Variants in DPP10 observed in about 807,000 individuals in gnomAD.
DPP10 encodes the protein inactive dipeptidyl peptidase 10.
DPP10 carries 33 observed loss-of-function variants against 120.9 expected under a neutral mutation model. That is an observed-to-expected ratio of 0.27 (90% CI 0.21 to 0.37). The LOEUF (loss-of-function observed/expected upper bound fraction) is 0.37, where lower values mean the gene tolerates loss of function less well. DPP10 is among the 10% of genes least tolerant of loss of function. The pLI, the probability that DPP10 is intolerant of heterozygous loss-of-function variation, is 1.00. For missense variants in DPP10, 816 were observed against 942.8 expected, an observed-to-expected ratio of 0.87 and a Z score of 1.76; for synonymous variants, 337 against 326.1, an observed-to-expected ratio of 1.03 and a Z score of -0.36.
intron 5 of DPP10, among the ~76,000 whole-genome samples, chr2:115,687,485 G>GGATGGATAGATA (rs369660132): frequency 5.4e-5 from 8 of 147,018 alleles, no homozygotes; most frequent in Admixed American, 1.4e-4. Flanking sequence ...ATGGATGGAT[G>GGATGGATAGATA]GATAGATAGA....
At position 114,838,511 on chromosome 2, in the gene DPP10, C is replaced by T. The variant is rs1687912861; in HGVS notation, c.60+395673C>T. Among the ~76,000 whole-genome samples, 5 of 152,118 alleles carry T rather than the reference C, an allele frequency of 3.3e-5. No individual in the cohort carries two copies. In the South Asian group the frequency reaches 1.0e-3, roughly 32 times the overall value. On this transcript the variant is annotated intron_variant, in intron 1 of 25. Coordinates refer to ENST00000410059, the MANE Select transcript of DPP10 (RefSeq NM_020868.6). ...TGGATTTTTAGTAGAGATGGGATTT[C>T]ACCATGTTGGTAAAGTTGGTCTTGA...
At chr2:115,451,983 T>C (rs1343019082) in intron 3 of DPP10, among the ~76,000 whole-genome samples, 1 of 151,842 alleles carries the variant, frequency 6.6e-6, no homozygotes, top group Non-Finnish European at 1.5e-5. Flanking sequence ...GACATTATAG[T>C]GTATTTGGTC....
At position 115,800,444 on chromosome 2, in the gene DPP10, A is replaced by G. The variant is rs535723648; in HGVS notation, c.1700+9088A>G. On this transcript the variant is annotated intron_variant, in intron 19 of 25. Transcript: ENST00000410059. ...TGCAGAAACTCTTTAGTTTAATTAG[A>G]TCACATTTGTCAATTTTGGCTTTTG... 2.6e-5 allele frequency among the ~76,000 whole-genome samples: 4 copies of G among 152,182 alleles called. No homozygotes were observed. In the South Asian group the frequency reaches 6.2e-4, roughly 24 times the overall value.
At position 115,814,837 on chromosome 2, in the gene DPP10, T is replaced by C. The variant is rs769288071; in HGVS notation, c.1745T>C (p.Ile582Thr). The C allele has an allele frequency of 5.0e-6, 8 of 1,594,022 alleles. No individual in the cohort carries two copies. The highest frequency in any genetic ancestry group is 6.9e-6 in the Non-Finnish European group (8 of 1,165,486). The change falls in exon 20 of 26, where the codon ATT becomes ACT. Residue 582 changes from isoleucine (I) to threonine (T), a missense_variant. Transcript: ENST00000410059. The part of the protein sequence containing the change: ...GGQLVTDKFH[I>T]DWDSVLIDMD... ...CAGCTGGTTACAGATAAGTTCCATA[T>C]TGACTGGGATTCCGTACTCATTGAC...
intron 1 of DPP10, chr2:114,461,782 T>C (rs113834899): frequency 1.0e-6 from 1 of 985,226 alleles, no homozygotes; most frequent in Non-Finnish European, 1.2e-6. Flanking sequence ...AATTGGAGGA[T>C]TAGAGAAATA....
At chr2:115,293,730 A>G (rs1203200042) in intron 1 of DPP10, among the ~76,000 whole-genome samples, 1 of 151,984 alleles carries the variant, frequency 6.6e-6, no homozygotes, top group Non-Finnish European at 1.5e-5. Context: ...TTAATGGAAG[A>G]GAATGATGGA....
intron 1 of DPP10, among the ~76,000 whole-genome samples, chr2:114,675,669 A>C (rs1339030787): frequency 1.3e-5 from 2 of 152,200 alleles, no homozygotes; most frequent in East Asian, 3.9e-4. Context: ...GCTTTTAAAA[A>C]ATGTCCATGC....
chr2:115,780,115 A>C (rs958905238), intron 15 of DPP10, among the ~76,000 whole-genome samples: 13 of 151,996 alleles, frequency 8.6e-5, no homozygotes, highest in South Asian at 4.1e-4. Flanking sequence ...TATTCTCAAC[A>C]GTGTTTTCAT....
At chr2:114,610,352 C>A (rs755225442) in intron 1 of DPP10, among the ~76,000 whole-genome samples, 2 of 152,030 alleles carry the variant, frequency 1.3e-5, no homozygotes, top group Non-Finnish European at 2.9e-5. Context: ...CCTTTTTAAC[C>A]TAGGGGAACG....
chr2:114,699,184 A>G (rs1043469279), intron 1 of DPP10, among the ~76,000 whole-genome samples: 3 of 152,142 alleles, frequency 2.0e-5, no homozygotes, highest in African/African-American at 7.2e-5. Context: ...GTAAACTCAG[A>G]ATAACATGCT....
At chr2:115,564,562 A>AT (rs2080886320) in intron 5 of DPP10, among the ~76,000 whole-genome samples, 1 of 152,182 alleles carries the variant, frequency 6.6e-6, no homozygotes, top group Admixed American at 6.5e-5. Flanking sequence ...CAGGATATAA[A>AT]TGTACCATAA....
At chr2:114,978,509 T>C (rs769439160) in intron 1 of DPP10, among the ~76,000 whole-genome samples, 1 of 152,120 alleles carries the variant, frequency 6.6e-6, no homozygotes, top group Non-Finnish European at 1.5e-5. Context: ...TATAACAACA[T>C]AGGGATTCTC....
intron 1 of DPP10, among the ~76,000 whole-genome samples, chr2:115,213,524 TTAGAC>T (rs1276992823): frequency 6.6e-6 from 1 of 152,164 alleles, no homozygotes; most frequent in Non-Finnish European, 1.5e-5. Flanking sequence ...TTCGCTCTTT[TTAGAC>T]TAAAGTCTTT....
chr2:115,196,047 G>T (rs541979106), intron 1 of DPP10, among the ~76,000 whole-genome samples: 1 of 152,304 alleles, frequency 6.6e-6, no homozygotes, highest in Non-Finnish European at 1.5e-5. Flanking sequence ...TTTCAGTGTT[G>T]TTGAGGAAAA....
intron 1 of DPP10, among the ~76,000 whole-genome samples, chr2:114,742,571 T>G (rs72959530): frequency 0.013 from 1,954 of 152,350 alleles, 49 homozygotes; most frequent in African/African-American, 0.045. Context: ...AAATTCTTCT[T>G]TGATTCAGCA....
chr2:115,691,486 A>G (rs2091311747), intron 7 of DPP10, among the ~76,000 whole-genome samples: 1 of 152,116 alleles, frequency 6.6e-6, no homozygotes, highest in South Asian at 2.1e-4. Context: ...TTCTTTAACT[A>G]TTCATCTGCA....
At chr2:114,508,659 G>T (rs1326498893) in intron 1 of DPP10, among the ~76,000 whole-genome samples, 1 of 152,074 alleles carries the variant, frequency 6.6e-6, no homozygotes, top group South Asian at 2.1e-4. Flanking sequence ...CATCTAAGTT[G>T]TGTCTTCTCC....
At chr2:115,216,786 A>G (rs755185992) in intron 1 of DPP10, among the ~76,000 whole-genome samples, 3 of 152,114 alleles carry the variant, frequency 2.0e-5, no homozygotes, top group Non-Finnish European at 4.4e-5. Flanking sequence ...CTCTGTCTCA[A>G]AAAAAGAAAA....
chr2:115,521,535 T>C (rs183441137), intron 4 of DPP10, among the ~76,000 whole-genome samples: 6 of 152,280 alleles, frequency 3.9e-5, no homozygotes, highest in South Asian at 2.1e-4. Flanking sequence ...ATTCACCCAA[T>C]GATAAAAACT....
Sources: allele counts gnomAD v4.1 joint callset (sites outside exome capture counted in the v4.1 genomes callset), GRCh38; gene constraint gnomAD v4.1.1; transcripts MANE v1.5; gene names NCBI Gene and HGNC (gene_info 2026-07-23, HGNC 2026-07-21).